PRKAR2B: variants seen among roughly 807,000 people sequenced by gnomAD.
PRKAR2B encodes the protein cAMP-dependent protein kinase type II-beta regulatory subunit.
Under a neutral mutation model 49.9 loss-of-function variants are expected in PRKAR2B, and 14 were observed. The observed-to-expected ratio is 0.28, with a 90% confidence interval of 0.19 to 0.44. The LOEUF (loss-of-function observed/expected upper bound fraction) is 0.44, where lower values mean the gene tolerates loss of function less well. Ranked by LOEUF, PRKAR2B falls within the 20% of genes least tolerant of loss-of-function variation. The probability of loss-of-function intolerance (pLI) is 1.00; values close to 1 mark genes in which losing one functional copy is unlikely to be tolerated. For synonymous variants in PRKAR2B, 196 were observed against 197.7 expected (o/e 0.99, Z 0.07); for missense variants, 393 against 537.9 (o/e 0.73, Z 2.67).
At chr7:107,152,117 C>G (rs565000306) in intron 7 of PRKAR2B, among the ~76,000 whole-genome samples, 1 of 152,188 alleles carries the variant, frequency 6.6e-6, no homozygotes, top group East Asian at 1.9e-4. Context: ...CAAAAACCTT[C>G]GAGTTAGCAC....
rs528961832 is a variant in PRKAR2B, at chr7:107,126,251, C to CAA, written c.397-1944_397-1943dup. Among the ~76,000 whole-genome samples, 260 of 85,456 alleles carry CAA rather than the reference C, an allele frequency of 3.0e-3. 2 individuals carry two copies. Among genetic ancestry groups the CAA allele is most frequent in the Middle Eastern group, 0.013 (2 of 160 alleles). 56.1% of individuals were successfully genotyped at this position (85,456 alleles called of 152,430 possible). On this transcript the variant is annotated intron_variant, in intron 3 of 10. Coordinates refer to ENST00000265717, the MANE Select transcript of PRKAR2B (RefSeq NM_002736.3). ...TACTAAAAATACAAAATACAAAATA[C>CAA]AAAAAAAAAAAAAAAAAACCAAAGC...
chr7:107,116,490 G>A (rs1380063220), intron 2 of PRKAR2B, among the ~76,000 whole-genome samples: 2 of 152,116 alleles, frequency 1.3e-5, no homozygotes, highest in Non-Finnish European at 1.5e-5. Flanking sequence ...AATATAAAAT[G>A]TGTAGGCAAA....
chr7:107,151,029 T>TAAAC lies in PRKAR2B; in HGVS notation c.843+7_843+8insAACA. Reference sequence around the variant, plus strand: ...CATTCCTTAAATCTTTGGAGGTAAGTATATGTTTATGCTTTTATTTTATTT... The same window carrying TAAAC: ...CATTCCTTAAATCTTTGGAGGTAAGTAAACATATGTTTATGCTTTTATTTTATTT... On this transcript the variant is annotated splice_region_variant and intron_variant, in intron 7 of 10. Coordinates refer to ENST00000265717, the MANE Select transcript of PRKAR2B (RefSeq NM_002736.3). 6.8e-7 allele frequency: 1 copy of TAAAC among 1,464,476 alleles called. No homozygotes were observed. The highest frequency in any genetic ancestry group is 1.5e-5 in the African/African-American group (1 of 68,810). 90.7% of individuals were successfully genotyped at this position (1,464,476 alleles called of 1,614,324 possible).
intron 2 of PRKAR2B, among the ~76,000 whole-genome samples, chr7:107,098,086 A>G (rs899869316): frequency 6.6e-6 from 1 of 152,180 alleles, no homozygotes; most frequent in Non-Finnish European, 1.5e-5. Context: ...GTTCTCCTGG[A>G]TAATATCCTG....
chr7:107,083,053 A>G (rs1794545455), intron 2 of PRKAR2B, among the ~76,000 whole-genome samples: 1 of 151,978 alleles, frequency 6.6e-6, no homozygotes, highest in East Asian at 1.9e-4. Context: ...TTTTGAAGGT[A>G]ACCTGTGAGT....
At chr7:107,094,650 G>A (rs931846623) in intron 2 of PRKAR2B, among the ~76,000 whole-genome samples, 2 of 152,060 alleles carry the variant, frequency 1.3e-5, no homozygotes, top group Non-Finnish European at 2.9e-5. Flanking sequence ...GGTCTAACAT[G>A]TAAGTCTTTA....
At chr7:107,083,328 A>G (rs1036435614) in intron 2 of PRKAR2B, among the ~76,000 whole-genome samples, 4 of 151,732 alleles carry the variant, frequency 2.6e-5, no homozygotes, top group Non-Finnish European at 4.4e-5. Flanking sequence ...TTTTTGAATA[A>G]AGATTATTTT....
intron 2 of PRKAR2B, among the ~76,000 whole-genome samples, chr7:107,105,678 G>C (rs1383855540): frequency 6.6e-6 from 1 of 152,090 alleles, no homozygotes; most frequent in Non-Finnish European, 1.5e-5. Flanking sequence ...TATTCTCTTG[G>C]CCATTATGGG....
At chr7:107,066,931 A>T (rs1009554256) in intron 1 of PRKAR2B, 1 of 152,208 alleles carries the variant, frequency 6.6e-6, no homozygotes, top group African/African-American at 2.4e-5. Flanking sequence ...TTTACTCTCC[A>T]TATATCACAA....
chr7:107,087,249 A>T (rs1443748159), intron 2 of PRKAR2B, among the ~76,000 whole-genome samples: 1 of 152,136 alleles, frequency 6.6e-6, no homozygotes, highest in Non-Finnish European at 1.5e-5. Context: ...TCATCCATCA[A>T]ATATGGACTT....
At chr7:107,142,262 CAAG>C (rs1187490373) in intron 5 of PRKAR2B, among the ~76,000 whole-genome samples, 1 of 152,138 alleles carries the variant, frequency 6.6e-6, no homozygotes, top group Non-Finnish European at 1.5e-5. Flanking sequence ...CTGTTTAAAT[CAAG>C]AGTTGTCACT....
At chr7:107,072,639 A>C (rs1012018910) in intron 2 of PRKAR2B, among the ~76,000 whole-genome samples, 8 of 152,176 alleles carry the variant, frequency 5.3e-5, no homozygotes, top group African/African-American at 1.9e-4. Context: ...CCTGAGGAGG[A>C]AATGCTACAG....
At chr7:107,060,126 A>G (rs574185275) in intron 1 of PRKAR2B, among the ~76,000 whole-genome samples, 2 of 152,262 alleles carry the variant, frequency 1.3e-5, no homozygotes, top group African/African-American at 4.8e-5. Context: ...TTAAGTATTT[A>G]TCAGTTTTAA....
At chr7:107,129,037 G>A (rs895773166) in intron 4 of PRKAR2B, 3 of 151,992 alleles carry the variant, frequency 2.0e-5, no homozygotes, top group African/African-American at 7.2e-5. Flanking sequence ...AACTTACCTC[G>A]ACTTTTTTAT....
intron 2 of PRKAR2B, among the ~76,000 whole-genome samples, chr7:107,097,147 G>A (rs1046864656): frequency 2.6e-5 from 4 of 152,176 alleles, no homozygotes; most frequent in African/African-American, 4.8e-5. Context: ...GGGAGTCTAA[G>A]TCTCTTTGTA....
chr7:107,092,540 C>A (rs1316714696), intron 2 of PRKAR2B, among the ~76,000 whole-genome samples: 1 of 151,832 alleles, frequency 6.6e-6, no homozygotes, highest in Non-Finnish European at 1.5e-5. Flanking sequence ...CTGCTATTGC[C>A]TGTATATTAT....
At chr7:107,140,029 G>A (rs1202444609) in intron 4 of PRKAR2B, among the ~76,000 whole-genome samples, 2 of 152,128 alleles carry the variant, frequency 1.3e-5, no homozygotes, top group Non-Finnish European at 2.9e-5. Flanking sequence ...CTTTTCCATT[G>A]TATTGTATTA....
At chr7:107,148,463 T>C (rs150208885) in intron 6 of PRKAR2B, among the ~76,000 whole-genome samples, 2 of 152,332 alleles carry the variant, frequency 1.3e-5, no homozygotes, top group East Asian at 3.9e-4. Flanking sequence ...AAGATAGGAT[T>C]AAGCATTTTC....
chr7:107,146,821 T>G (rs6947857), intron 6 of PRKAR2B, among the ~76,000 whole-genome samples: 129,387 of 152,216 alleles, frequency 0.85, 55,279 homozygotes, highest in African/African-American at 0.93. Flanking sequence ...CTGATAAAGT[T>G]GTGGCTCCCA....
Sources: allele counts gnomAD v4.1 joint callset (sites outside exome capture counted in the v4.1 genomes callset), GRCh38; gene constraint gnomAD v4.1.1; transcripts MANE v1.5; gene names NCBI Gene and HGNC (gene_info 2026-07-23, HGNC 2026-07-21).